The following CCDC80 variants were observed in gnomAD, a reference collection of about 807,000 sequenced individuals.
CCDC80 encodes the protein coiled-coil domain-containing protein 80.
Under a neutral mutation model 78.7 loss-of-function variants are expected in CCDC80, and 49 were observed. That is an observed-to-expected ratio of 0.62 (90% confidence interval 0.50 to 0.79). CCDC80 has a LOEUF of 0.79. CCDC80 is among the 30% of genes least tolerant of loss of function. The pLI, the probability that CCDC80 is intolerant of heterozygous loss-of-function variation, is 0.00. For synonymous variants in CCDC80, 488 were observed against 447.0 expected (o/e 1.09, Z -1.16); for missense variants, 1,205 against 1,198.6 (o/e 1.01, Z -0.08).
chr3:112,632,931 G>A (rs1936126327), intron 2 of CCDC80, among the ~76,000 whole-genome samples: 1 of 152,052 alleles, frequency 6.6e-6, no homozygotes, highest in African/African-American at 2.4e-5. Context: ...TCTAAATTAG[G>A]AAATGAAAGG....
chr3:112,628,808 G>A (rs969491422), intron 3 of CCDC80, among the ~76,000 whole-genome samples: 1 of 152,136 alleles, frequency 6.6e-6, no homozygotes, highest in Non-Finnish European at 1.5e-5. Context: ...TGGAAAAGAT[G>A]CTATTTATTT....
chr3:112,633,777 C>T (rs1175590422), intron 2 of CCDC80, among the ~76,000 whole-genome samples: 3 of 152,208 alleles, frequency 2.0e-5, no homozygotes, highest in Non-Finnish European at 1.5e-5. Flanking sequence ...GTTTTGACAT[C>T]TCCATCCCAT....
rs916603698 is a variant in CCDC80, at chr3:112,605,325, T to C, written c.*92A>G. ...AACACTGAAAGAAAAAGGCAGGAAA[T>C]GTAGTACGCAGTGTGGAAGAATGGA... On this transcript the variant is annotated 3_prime_UTR_variant, in exon 8 of 8. Transcript: ENST00000206423. 1.0e-5 allele frequency: 8 copies of C among 792,772 alleles called. No individual in the cohort carries two copies. In the African/African-American group the frequency reaches 1.4e-4, roughly 14 times the overall value. The allele number at this position is 792,772 out of a possible 1,614,324, so 49.1% of individuals were successfully genotyped here.
chr3:112,608,114 A>T (rs956755724), intron 6 of CCDC80, among the ~76,000 whole-genome samples: 1 of 152,238 alleles, frequency 6.6e-6, no homozygotes, highest in Non-Finnish European at 1.5e-5. Flanking sequence ...AATTCTTTTG[A>T]AGATGAAGTG....
At chr3:112,628,911 G>A (rs80354474) in intron 3 of CCDC80, among the ~76,000 whole-genome samples, 2,706 of 152,128 alleles carry the variant, frequency 0.018, 45 homozygotes, top group South Asian at 0.054. Context: ...GAGATCTGCC[G>A]TACAATATTG....
Position 112,638,336 on chromosome 3 carries a change from G to T in CCDC80, c.1570C>A (p.Leu524Met). ...TTAAGGGGAACATTCCCCACCTGCA[G>T]CTCGTCCTCCAGCTGAGAGGCAGTA... Reference protein sequence around the residue: ...RPTASQLEDELQVGNVPLKKA... With the variant: ...RPTASQLEDEMQVGNVPLKKA... Residue 524 changes from leucine (L) to methionine (M), a missense_variant, in exon 2 of 8, where the codon CTG (leucine) becomes ATG (methionine). Coordinates refer to ENST00000206423, the MANE Select transcript of CCDC80 (RefSeq NM_199511.3). 6.2e-7 allele frequency: 1 copy of T among 1,614,108 alleles called. No individual in the cohort carries two copies. The highest frequency in any genetic ancestry group is 1.1e-5 in the South Asian group (1 of 91,064).
At chr3:112,625,936 C>A (rs559030325) in intron 3 of CCDC80, among the ~76,000 whole-genome samples, 1 of 152,260 alleles carries the variant, frequency 6.6e-6, no homozygotes, top group African/African-American at 2.4e-5. Context: ...AAAAAACCTA[C>A]TCATTTTTCA....
chr3:112,609,393 G>C (rs1240017880), intron 6 of CCDC80, among the ~76,000 whole-genome samples: 1 of 152,092 alleles, frequency 6.6e-6, no homozygotes, highest in Non-Finnish European at 1.5e-5. Flanking sequence ...TGGCCTGCTT[G>C]TCTTTAAAAT....
rs1376495829 is a variant in CCDC80 at position 112,602,238 on chromosome 3, A to G, written c.*3179T>C. ...CACAGTAAACTTAATAAATGTGTGT[A>G]TGTTCTGATTGCTCCAACAACCAAC... is the stretch of plus-strand genomic sequence containing the variant. On this transcript the variant is annotated 3_prime_UTR_variant, in exon 8 of 8. Coordinates refer to ENST00000206423, the MANE Select transcript of CCDC80 (RefSeq NM_199511.3). 6.6e-6 allele frequency: 1 copy of G among 152,208 alleles called. No homozygotes were observed. Among genetic ancestry groups the G allele is most frequent in the African/African-American group, 2.4e-5 (1 of 41,454 alleles). 9.4% of individuals were successfully genotyped at this position (152,208 alleles called of 1,614,324 possible).
intron 4 of CCDC80, 42 bp downstream of exon 4, chr3:112,618,926 T>G: frequency 1.3e-6 from 2 of 1,581,832 alleles, no homozygotes; most frequent in Non-Finnish European, 1.7e-6. Context: ...GATTTGCTAT[T>G]CTAAGAAATA....
chr3:112,634,868 C>T (rs1395924459), intron 2 of CCDC80, among the ~76,000 whole-genome samples: 1 of 152,210 alleles, frequency 6.6e-6, no homozygotes, highest in Non-Finnish European at 1.5e-5. Context: ...ATTCCGACTT[C>T]ACCACATATT....
At chr3:112,634,294 C>A (rs1646350586) in intron 2 of CCDC80, among the ~76,000 whole-genome samples, 1 of 152,180 alleles carries the variant, frequency 6.6e-6, no homozygotes, top group Admixed American at 6.5e-5. Context: ...TATGAACCCA[C>A]TTGAATTACA....
chr3:112,636,704 A>C (rs953948831), intron 2 of CCDC80, among the ~76,000 whole-genome samples: 1 of 152,020 alleles, frequency 6.6e-6, no homozygotes, highest in South Asian at 2.1e-4. Flanking sequence ...CCTTGAGAAA[A>C]GAGTGTCTGT....
Position 112,641,025 on chromosome 3 carries a change from A to T in CCDC80, c.-710T>A, listed in dbSNP as rs2107500681. 1 of 152,310 alleles carries T rather than the reference A, an allele frequency of 6.6e-6. No individual in the cohort carries two copies. Among genetic ancestry groups the T allele is most frequent in the South Asian group, 2.1e-4 (1 of 4,824 alleles). The allele number at this position is 152,310 out of a possible 1,614,324, so 9.4% of individuals were successfully genotyped here. On this transcript the variant is annotated 5_prime_UTR_variant, in exon 1 of 8. It adds an upstream start codon to the 5' untranslated region. Coordinates refer to ENST00000206423, the MANE Select transcript of CCDC80 (RefSeq NM_199511.3). ...TCAGTTTTGCTCCAAACCAAACTCA[A>T]ACAACAGCAGCCACTGGAAATCAAG...
chr3:112,610,102 A>G (rs376369360), intron 5 of CCDC80, 21 bp from the exon 6 acceptor site: 2 of 1,580,894 alleles, frequency 1.3e-6, no homozygotes, highest in Non-Finnish European at 8.7e-7. Flanking sequence ...AAAGCAGGAC[A>G]CCATTACTGC....
Position 112,639,295 on chromosome 3 carries a change from G to A in CCDC80, c.611C>T (p.Thr204Ile), listed in dbSNP as rs759154848. The A allele has an allele frequency of 1.9e-6, 3 of 1,614,170 alleles. No individual in the cohort carries two copies. Among genetic ancestry groups the A allele is most frequent in the Non-Finnish European group, 2.5e-6 (3 of 1,180,030 alleles). The change falls in exon 2 of 8, where the codon ACC (threonine) becomes ATC (isoleucine). Residue 204 changes from threonine to isoleucine, a missense_variant. By Grantham distance (89) the Thr-to-Ile change is moderately conservative. Transcript: ENST00000206423. ...GEEGGKVRRI[T>I]SEGQILEQPL... ...CTGCTCCAGGATCTGGCCCTCGCTG[G>A]TGATCCTTCTCACCTTGCCTCCTTC... is the stretch of plus-strand genomic sequence containing the variant.
rs1936266053 is a variant in CCDC80 at position 112,638,672 on chromosome 3, C to T, written c.1234G>A (p.Glu412Lys). The T allele has an allele frequency of 6.2e-7, 1 of 1,614,036 alleles. No individual in the cohort carries two copies. Among genetic ancestry groups the T allele is most frequent in the Non-Finnish European group, 8.5e-7 (1 of 1,180,004 alleles). The change falls in exon 2 of 8, where the codon GAG becomes AAG. Residue 412 changes from glutamate (E) to lysine (K), a missense_variant. Coordinates refer to ENST00000206423, the MANE Select transcript of CCDC80 (RefSeq NM_199511.3). ...TTCCGGGATGGAGGGTAAAGATTCT[C>T]TGAAACTGAGGGTCTCCTGGCAGTG... Reference protein sequence around the residue: ...VITARRPSVSENLYPPSRKDQ... With the variant: ...VITARRPSVSKNLYPPSRKDQ...
At position 112,616,782 on chromosome 3, in the gene CCDC80, A is replaced by G. The variant is rs752274073; in HGVS notation, c.2249T>C (p.Met750Thr). 2.5e-6 allele frequency: 4 copies of G among 1,614,164 alleles called. No individual in the cohort carries two copies. The South Asian group carries it at 3.3e-5, about 13-fold the overall frequency. The change falls in exon 5 of 8, where the codon ATG becomes ACG. Residue 750 changes from methionine (M) to threonine (T), a missense_variant. Physicochemically the swap from Met to Thr is moderately conservative, Grantham distance 81. Transcript: ENST00000206423. ...AATGCCCTCCTTCTTCTGCTTCTCC[A>G]TATCTTTGATTCGGGACTGGAAAGT... Reference protein sequence around the residue: ...IDTFQSRIKDMEKQKKEGIVC... With the variant: ...IDTFQSRIKDTEKQKKEGIVC...
intron 2 of CCDC80, among the ~76,000 whole-genome samples, chr3:112,631,971 C>T (rs547479466): frequency 1.4e-4 from 21 of 152,186 alleles, no homozygotes; most frequent in Admixed American, 7.8e-4. Flanking sequence ...CCTGCTCATA[C>T]GGACATTCTG....
Sources: allele counts gnomAD v4.1 joint callset (sites outside exome capture counted in the v4.1 genomes callset), GRCh38; gene constraint gnomAD v4.1.1; transcripts MANE v1.5; gene names NCBI Gene and HGNC (gene_info 2026-07-23, HGNC 2026-07-21).